FER1L5: variants seen among roughly 807,000 people sequenced by gnomAD.
FER1L5 encodes the protein fer-1-like protein 5.
In FER1L5, 187 loss-of-function variants were observed where a neutral mutation model predicts 279.9. The ratio of observed to expected loss-of-function variants is 0.67; its 90% confidence interval spans 0.59 to 0.75. FER1L5 has a LOEUF of 0.75. Among genes scored for constraint, FER1L5 ranks in the 30% least tolerant of loss-of-function variants. The pLI, the probability that FER1L5 is intolerant of heterozygous loss-of-function variation, is 0.00. For missense variants in FER1L5, 2,091 were observed against 2,594.4 expected (o/e 0.81, Z 4.21); for synonymous variants, 921 against 989.7 (o/e 0.93, Z 1.30).
At chr2:96,681,543 A>T (rs571182024) in intron 19 of FER1L5, among the ~76,000 whole-genome samples, 57 of 151,952 alleles carry the variant, frequency 3.8e-4, no homozygotes, top group East Asian at 2.4e-3. Context: ...AAAAAATAAT[A>T]ATTATTATTT....
rs1309251748 is a variant in FER1L5 at position 96,659,648 on chromosome 2, C to T, written c.748-693C>T. ...CTGAGACTACAGGGGCCCGCCACCA[C>T]GCCCGGCTAATTTTTTGTATTTTTA... On this transcript the variant is annotated intron_variant, in intron 9 of 52. Transcript: ENST00000624922. Among the ~76,000 whole-genome samples, 9 of 150,664 alleles carry T rather than the reference C, an allele frequency of 6.0e-5. 1 individual carries two copies. The highest frequency in any genetic ancestry group is 2.0e-4 in the East Asian group (1 of 5,070).
chr2:96,698,771 G>T lies in FER1L5; in HGVS notation c.4457G>T (p.Cys1486Phe). ...WPEREDFPQP[C>F]LVRVYMVRAI... ...GAGAGAGAGGACTTCCCCCAGCCGT[G>T]CTTGGTGCGGGTGTACATGGTACGA... Residue 1486 changes from cysteine (C) to phenylalanine (F), a missense_variant, in exon 41 of 53, where the codon TGC becomes TTC. Cys to Phe is a radical substitution (Grantham distance 205). Transcript: ENST00000624922. The surrounding 1 kb of genome is among the most constrained non-coding windows in gnomAD (Gnocchi z 5.5). 1.3e-6 allele frequency: 2 copies of T among 1,567,832 alleles called. No individual in the cohort carries two copies. The highest frequency in any genetic ancestry group is 8.6e-7 in the Non-Finnish European group (1 of 1,156,714).
intron 8 of FER1L5, 95 bp downstream of exon 8, chr2:96,653,797 G>C (rs17685766): frequency 0.29 from 259,269 of 890,170 alleles, 40,194 homozygotes; most frequent in African/African-American, 0.33. Context: ...TTAGAGCCAG[G>C]GGCACTTCAG....
chr2:96,695,352 T>C (rs2077329319), intron 34 of FER1L5, 157 bp from the exon 35 acceptor site: 1 of 961,824 alleles, frequency 1.0e-6, no homozygotes, highest in Non-Finnish European at 1.5e-6. Flanking sequence ...AGCCTGTCCT[T>C]GTGCGCCTTC....
In FER1L5 at chr2:96,699,046, G is replaced by A; in HGVS notation, c.4520G>A (p.Cys1507Tyr). 1 of 1,608,642 alleles carries A rather than the reference G, an allele frequency of 6.2e-7. No homozygotes were observed. The highest frequency in any genetic ancestry group is 8.5e-7 in the Non-Finnish European group (1 of 1,177,538). ...NLQPQDYNGL[C>Y]DPYVILKLGK... ...TCCCCCACTTGTATCTGACCCCAGT[G>A]TGACCCTTATGTGATCCTGAAACTG... The change falls in exon 42 of 53, where the codon TGT (cysteine) becomes TAT (tyrosine). Residue 1507 changes from cysteine (C) to tyrosine (Y), a missense_variant and splice_region_variant. Cys to Tyr is a radical substitution (Grantham distance 194). Coordinates refer to ENST00000624922, the MANE Select transcript of FER1L5 (RefSeq NM_001293083.2).
intron 13 of FER1L5, among the ~76,000 whole-genome samples, chr2:96,662,961 G>A (rs2106534444): frequency 6.6e-6 from 1 of 152,316 alleles, no homozygotes; most frequent in Admixed American, 6.5e-5. Flanking sequence ...TGATACTTCT[G>A]TGTTCATCTT....
At position 96,642,803 on chromosome 2, in the gene FER1L5, C is replaced by T. The variant is rs1277063583; in HGVS notation, c.-34C>T. On this transcript the variant is annotated 5_prime_UTR_variant, in exon 1 of 53. Transcript: ENST00000624922. ...CTCCAAAAAGGAAGCTGTGGCGCTG[C>T]GTAGGGAAGGAGGGAAGAAAGTAGG... The T allele has an allele frequency of 6.5e-7, 1 of 1,546,310 alleles. No individual in the cohort carries two copies. The highest frequency in any genetic ancestry group is 2.0e-5 in the Admixed American group (1 of 50,488).
intron 26 of FER1L5, among the ~76,000 whole-genome samples, chr2:96,690,275 T>C (rs1304295668): frequency 1.3e-5 from 2 of 152,084 alleles, no homozygotes; most frequent in Non-Finnish European, 2.9e-5. Flanking sequence ...CCCTTTACAA[T>C]GAGGAGGAGC....
chr2:96,685,183 A>G, intron 20 of FER1L5, 146 bp from the exon 21 acceptor site: 1 of 663,194 alleles, frequency 1.5e-6, no homozygotes, highest in South Asian at 1.8e-5. Context: ...GGAGTTGTGG[A>G]CAACCTTGAA....
chr2:96,695,087 A>G (rs562374530), intron 34 of FER1L5: 113 of 165,746 alleles, frequency 6.8e-4, no homozygotes, highest in Non-Finnish European at 1.1e-3. Context: ...GGGGTCCTCA[A>G]TGAGCTAGAC....
intron 23 of FER1L5, 37 bp downstream of exon 23, chr2:96,686,387 G>C: frequency 6.5e-7 from 1 of 1,533,634 alleles, no homozygotes; most frequent in Non-Finnish European, 8.8e-7. Flanking sequence ...GGACAGGGCT[G>C]AGAAATGCCC....
At chr2:96,680,217 G>A (rs1164400828) in intron 19 of FER1L5, among the ~76,000 whole-genome samples, 1 of 151,876 alleles carries the variant, frequency 6.6e-6, no homozygotes, top group Non-Finnish European at 1.5e-5. Context: ...GCTTTTGTAA[G>A]TTCTCCAAGA....
In FER1L5 at chr2:96,684,218, ATCT is replaced by A; in HGVS notation, c.1670-107_1670-105del. The A allele has an allele frequency of 2.1e-6, 3 of 1,402,076 alleles. No homozygotes were observed. In the South Asian group the frequency reaches 4.4e-5, roughly 21 times the overall value. 86.9% of individuals were successfully genotyped at this position (1,402,076 alleles called of 1,614,324 possible). A position where few individuals can be genotyped will look rare whatever the true frequency, so the allele number is the denominator to read the frequency against. Reference sequence around the variant, plus strand: ...CCAGTCAGCATTGTTAGCAGGTCACATCTTTGAGGGTGCAGTGGTCCAGAGAGG... The same window carrying A: ...CCAGTCAGCATTGTTAGCAGGTCACATTGAGGGTGCAGTGGTCCAGAGAGG... On this transcript the variant is annotated intron_variant, in intron 19 of 52. Coordinates refer to ENST00000624922, the MANE Select transcript of FER1L5 (RefSeq NM_001293083.2).
chr2:96,676,030 G>A (rs1055607444), intron 19 of FER1L5, among the ~76,000 whole-genome samples: 10 of 151,854 alleles, frequency 6.6e-5, no homozygotes, highest in Middle Eastern at 3.4e-3. Context: ...AAGCTTTATC[G>A]TTTTATCTTT....
In FER1L5 at chr2:96,692,182, G is replaced by A. The variant is rs866787067; in HGVS notation, c.3292+1G>A. On this transcript the variant is annotated splice_donor_variant, in intron 31 of 52. Transcript: ENST00000624922. LOFTEE classifies it high-confidence loss of function. ...TCCAATCAGATCCTGACATTCCAAGGTAGGTGGCAGGCAGCCTTGTCCCCA... is the reference window on the plus strand; with the variant it reads ...TCCAATCAGATCCTGACATTCCAAGATAGGTGGCAGGCAGCCTTGTCCCCA... 6.4e-7 allele frequency: 1 copy of A among 1,551,666 alleles called. No individual in the cohort carries two copies. The highest frequency in any genetic ancestry group is 2.0e-5 in the Admixed American group (1 of 50,992).
At chr2:96,643,058 C>A in intron 1 of FER1L5, 137 bp downstream of exon 1, 1 of 694,242 alleles carries the variant, frequency 1.4e-6, no homozygotes, top group Non-Finnish European at 2.3e-6. Flanking sequence ...CGTTGTCCAG[C>A]TCTCTCAAAA....
At chr2:96,644,728 A>G (rs1160632975) in intron 1 of FER1L5, among the ~76,000 whole-genome samples, 3 of 152,232 alleles carry the variant, frequency 2.0e-5, no homozygotes, top group South Asian at 4.1e-4. Context: ...TGTTGAACAC[A>G]GCAATATTCA....
Position 96,690,886 on chromosome 2 carries a change from T to C in FER1L5, c.2743+297T>C, listed in dbSNP as rs546285690. Among the ~76,000 whole-genome samples the C allele has an allele frequency of 5.9e-5, 9 of 152,324 alleles. No individual in the cohort carries two copies. The South Asian group carries it at 1.9e-3, about 32-fold the overall frequency. On this transcript the variant is annotated intron_variant, in intron 27 of 52. Coordinates refer to ENST00000624922, the MANE Select transcript of FER1L5 (RefSeq NM_001293083.2). Reference sequence around the variant, plus strand: ...ACCCACAGCAGCTCCAGGGCAGGAATGATGATGGGCTGCAAGTCTCAAGGT... The same window carrying C: ...ACCCACAGCAGCTCCAGGGCAGGAACGATGATGGGCTGCAAGTCTCAAGGT...
intron 37 of FER1L5, 38 bp downstream of exon 37, chr2:96,696,115 T>C (rs370089046): frequency 2.5e-6 from 4 of 1,612,688 alleles, no homozygotes; most frequent in African/African-American, 1.3e-5. Flanking sequence ...TCCCATACTG[T>C]TGACGGGGTA....
Sources: gnomAD v4.1 joint callset for allele counts (sites outside exome capture counted in the v4.1 genomes callset) on GRCh38, gnomAD v4.1.1 for gene constraint, Gnocchi (gnomAD v3.1) non-coding constraint, MANE v1.5 for transcripts, NCBI Gene and HGNC (gene_info 2026-07-23, HGNC 2026-07-21) for gene names.